SOCS6: variants seen among roughly 807,000 people sequenced by gnomAD.
SOCS6 encodes the protein STAT induced STAT inhibitor-4.
SOCS6 carries 5 observed loss-of-function variants against 27.7 expected under a neutral mutation model. That is an observed-to-expected ratio of 0.18 (90% CI 0.09 to 0.38). The LOEUF is 0.38. SOCS6 is among the 10% of genes least tolerant of loss of function. SOCS6 has a pLI of 1.00. For missense variants in SOCS6, 595 were observed against 688.1 expected (o/e 0.86, Z 1.51); for synonymous variants, 271 against 260.0 (o/e 1.04, Z -0.41).
chr18:70,299,370 A>G lies in SOCS6; in HGVS notation c.-127+10280A>G, dbSNP rs376752173. Reference sequence around the variant, plus strand: ...AACATTATTATTAAGGGCACAACTCAGCAACAGCCCAGTAGAAGAGGTGCA... The same window carrying G: ...AACATTATTATTAAGGGCACAACTCGGCAACAGCCCAGTAGAAGAGGTGCA... On this transcript the variant is annotated intron_variant, in intron 1 of 1. Coordinates refer to ENST00000397942, the MANE Select transcript of SOCS6 (RefSeq NM_004232.4). 1.2e-3 allele frequency among the ~76,000 whole-genome samples: 183 copies of G among 152,304 alleles called. 3 individuals are homozygous for G. In the South Asian group the frequency reaches 0.036, roughly 30 times the overall value.
chr18:70,314,257 A>G (rs1309366673), intron 1 of SOCS6: 1 of 152,168 alleles, frequency 6.6e-6, no homozygotes, highest in Non-Finnish European at 1.5e-5. Context: ...CCCCATCTCA[A>G]AACTAAAAAT....
intron 1 of SOCS6, among the ~76,000 whole-genome samples, chr18:70,309,101 C>T (rs919997573): frequency 2.6e-5 from 4 of 152,152 alleles, no homozygotes; most frequent in Non-Finnish European, 4.4e-5. Flanking sequence ...GGCCTCTTAA[C>T]AATGCAACTT....
chr18:70,304,638 TTTA>T (rs1414820228), intron 1 of SOCS6, among the ~76,000 whole-genome samples: 2 of 152,238 alleles, frequency 1.3e-5, no homozygotes, highest in Non-Finnish European at 2.9e-5. Context: ...AAAATTAGGT[TTTA>T]TTTATATCTT....
At chr18:70,313,826 A>G (rs549289708) in intron 1 of SOCS6, among the ~76,000 whole-genome samples, 30 of 152,194 alleles carry the variant, frequency 2.0e-4, no homozygotes, top group Non-Finnish European at 3.2e-4. Flanking sequence ...CGTTGTTTGC[A>G]TAACAAAGTT....
chr18:70,323,579 C>G (rs1418603017), intron 1 of SOCS6, among the ~76,000 whole-genome samples: 1 of 152,130 alleles, frequency 6.6e-6, no homozygotes, highest in Non-Finnish European at 1.5e-5. Flanking sequence ...TATGGGTGTA[C>G]TTCAGAGATG....
At chr18:70,311,255 A>G (rs17809491) in intron 1 of SOCS6, among the ~76,000 whole-genome samples, 10,191 of 152,238 alleles carry the variant, frequency 0.067, 397 homozygotes, top group Non-Finnish European at 0.087. Context: ...TGTTTTTGCT[A>G]TTGCTTGAAG....
At chr18:70,300,074 G>T (rs1464099686) in intron 1 of SOCS6, among the ~76,000 whole-genome samples, 1 of 152,034 alleles carries the variant, frequency 6.6e-6, no homozygotes, top group Admixed American at 6.6e-5. Context: ...AATGCAACTT[G>T]TTAAAATCTG....
At position 70,319,540 on chromosome 18, in the gene SOCS6, C is replaced by T. The variant is rs117879637; in HGVS notation, c.-126-5003C>T. 7.7e-3 allele frequency among the ~76,000 whole-genome samples: 1,133 copies of T among 147,872 alleles called. 8 individuals carry two copies. The highest frequency in any genetic ancestry group is 9.7e-3 in the Non-Finnish European group (655 of 67,638). ...GATGCCTTACCATGAGTCAAGGCAG[C>T]GGCACCAAACTGTAATAGTAAATGT... On this transcript the variant is annotated intron_variant, in intron 1 of 1. Coordinates refer to ENST00000397942, the MANE Select transcript of SOCS6 (RefSeq NM_004232.4).
rs1187875384 is a variant in SOCS6 at position 70,327,223 on chromosome 18, G to A, written c.*947G>A. 2 of 166,878 alleles carry A rather than the reference G, an allele frequency of 1.2e-5. No homozygotes were observed. Among genetic ancestry groups the A allele is most frequent in the African/African-American group, 4.8e-5 (2 of 41,420 alleles). 10.3% of individuals were successfully genotyped at this position (166,878 alleles called of 1,614,324 possible). The stretch of plus-strand genomic sequence containing the variant: ...AACATTTTCTTGGGTGAACTTGATT[G>A]TCAACTAATTTTCATAAATGGACTG... On this transcript the variant is annotated 3_prime_UTR_variant, in exon 2 of 2. Transcript: ENST00000397942.
intron 1 of SOCS6, among the ~76,000 whole-genome samples, chr18:70,291,560 T>C (rs1323960194): frequency 6.6e-6 from 1 of 152,228 alleles, no homozygotes; most frequent in East Asian, 1.9e-4. Context: ...TCCAAACATA[T>C]AGATGGTCCC....
At chr18:70,317,042 C>G (rs1425379908) in intron 1 of SOCS6, among the ~76,000 whole-genome samples, 5 of 152,056 alleles carry the variant, frequency 3.3e-5, no homozygotes, top group African/African-American at 1.2e-4. Context: ...GTGGAATTTA[C>G]TTATTTTTTA....
chr18:70,321,568 A>G (rs1439434800), intron 1 of SOCS6, among the ~76,000 whole-genome samples: 1 of 147,692 alleles, frequency 6.8e-6, no homozygotes. Flanking sequence ...TCCTGACCTC[A>G]GGTGATCCGC....
At position 70,325,076 on chromosome 18, in the gene SOCS6, G is replaced by A. The variant is rs377177411; in HGVS notation, c.408G>A (p.Pro136=). ...GCAGCCATCACTACAGTCCCGCGCC[G>A]TGGCCTCTGCGGCCCACAAACTCCG... ...SLRSHHYSPA[P]WPLRPTNSEE... The change falls in exon 2 of 2, where the codon CCG becomes CCA. Residue 136 remains proline (P), a synonymous_variant. Transcript: ENST00000397942. This position sits in a 1 kb window ranked among gnomAD's most constrained non-coding sequence, Gnocchi z 6.3. 38 of 1,613,990 alleles carry A rather than the reference G, an allele frequency of 2.4e-5. No individual in the cohort carries two copies. Among genetic ancestry groups the A allele is most frequent in the East Asian group, 6.7e-5 (3 of 44,884 alleles).
chr18:70,311,442 C>T (rs1568600788), intron 1 of SOCS6, among the ~76,000 whole-genome samples: 1 of 152,140 alleles, frequency 6.6e-6, no homozygotes, highest in Non-Finnish European at 1.5e-5. Flanking sequence ...ACCTGCTTTT[C>T]ATGATACCAA....
At chr18:70,289,948 G>T (rs988693876) in intron 1 of SOCS6, among the ~76,000 whole-genome samples, 1 of 152,220 alleles carries the variant, frequency 6.6e-6, no homozygotes, top group African/African-American at 2.4e-5. Context: ...GATATGTGCA[G>T]TAGTGTGTGT....
rs766914203 is a variant in SOCS6 at position 70,325,261 on chromosome 18, A to G, written c.593A>G (p.Asn198Ser). ...ANSLKSSASH[N>S]GDLHLHLDEH... The stretch of plus-strand genomic sequence containing the variant: ...TCACTGAAGAGCTCGGCTTCTCATA[A>G]TGGAGACCTGCATCTTCACCTGGAT... The change falls in exon 2 of 2, where the codon AAT (asparagine) becomes AGT (serine). Residue 198 changes from asparagine (N) to serine (S), a missense_variant. Physicochemically the swap from Asn to Ser is conservative, Grantham distance 46 (BLOSUM62 1). This residue lies in a region of SOCS6 where 467 missense variants were observed against 481.1 expected (regional missense o/e 0.97). Coordinates refer to ENST00000397942, the MANE Select transcript of SOCS6 (RefSeq NM_004232.4). This position sits in a 1 kb window ranked among gnomAD's most constrained non-coding sequence, Gnocchi z 6.3. 1.2e-5 allele frequency: 19 copies of G among 1,614,034 alleles called. No homozygotes were observed. In the Middle Eastern group the frequency reaches 4.9e-4, roughly 42 times the overall value.
chr18:70,315,269 A>G (rs1454930320), intron 1 of SOCS6, among the ~76,000 whole-genome samples: 1 of 151,872 alleles, frequency 6.6e-6, no homozygotes, highest in Non-Finnish European at 1.5e-5. Context: ...TGAATTTTGG[A>G]CCTATGTCTT....
At chr18:70,301,553 G>A (rs775794078) in intron 1 of SOCS6, among the ~76,000 whole-genome samples, 14 of 152,280 alleles carry the variant, frequency 9.2e-5, no homozygotes, top group South Asian at 2.1e-4. Context: ...AACAACCCGA[G>A]TTTAGTTTTG....
At chr18:70,304,917 A>G (rs934748521) in intron 1 of SOCS6, among the ~76,000 whole-genome samples, 5 of 152,186 alleles carry the variant, frequency 3.3e-5, no homozygotes, top group African/African-American at 1.2e-4. Context: ...GAAGTTTTAT[A>G]GTTTCATGGC....
Sources: gnomAD v4.1 joint callset for allele counts (sites outside exome capture counted in the v4.1 genomes callset) on GRCh38, gnomAD v4.1.1 for gene constraint, gnomAD v4.1.1 regional missense constraint, Gnocchi (gnomAD v3.1) non-coding constraint, MANE v1.5 for transcripts, NCBI Gene and HGNC (gene_info 2026-07-23, HGNC 2026-07-21) for gene names.